The following RBFOX1 variants were observed in gnomAD, a reference collection of about 807,000 sequenced individuals.
RBFOX1 encodes RNA binding fox-1 homolog 1.
RBFOX1 carries 8 observed loss-of-function variants against 57.7 expected under a neutral mutation model. The ratio of observed to expected loss-of-function variants is 0.14; its 90% CI spans 0.08 to 0.25. The LOEUF (loss-of-function observed/expected upper bound fraction) is 0.25. RBFOX1 is among the 10% of genes least tolerant of loss of function. The probability of loss-of-function intolerance (pLI) is 1.00; values close to 1 mark genes in which losing one functional copy is unlikely to be tolerated. For synonymous variants in RBFOX1, 326 were observed against 222.4 expected (o/e 1.47, Z -4.15); for missense variants, 611 against 548.5 (o/e 1.11, Z -1.14).
chr16:7,410,839 G>A (rs879910504), intron 4 of RBFOX1, among the ~76,000 whole-genome samples: 8,253 of 68,958 alleles, frequency 0.12, 577 homozygotes, highest in African/African-American at 0.21. Context: ...ACGTGTGTGT[G>A]TGTGTGTGTG....
chr16:6,448,579 C>T (rs1343557849), intron 2 of RBFOX1, among the ~76,000 whole-genome samples: 2 of 152,054 alleles, frequency 1.3e-5, no homozygotes, highest in Non-Finnish European at 2.9e-5. Flanking sequence ...CCCATAGCAC[C>T]CTGTGCAGTT....
chr16:6,542,546 G>C (rs906366791), intron 2 of RBFOX1, among the ~76,000 whole-genome samples: 2 of 133,958 alleles, frequency 1.5e-5, no homozygotes, highest in South Asian at 2.4e-4. Context: ...CTGGAGTGCA[G>C]TGGCCTTTTC....
chr16:6,910,410 C>T (rs1338445818), intron 3 of RBFOX1, among the ~76,000 whole-genome samples: 1 of 152,198 alleles, frequency 6.6e-6, no homozygotes, highest in East Asian at 1.9e-4. Flanking sequence ...AACTTTATCT[C>T]AGGAATTCTG....
chr16:6,872,737 T>C (rs982385515), intron 3 of RBFOX1, among the ~76,000 whole-genome samples: 1 of 152,196 alleles, frequency 6.6e-6, no homozygotes, highest in Non-Finnish European at 1.5e-5. Flanking sequence ...CTGTGTTTTT[T>C]GTCCTTCAGG....
At chr16:6,651,431 C>G (rs769000378) in intron 2 of RBFOX1, among the ~76,000 whole-genome samples, 16 of 152,198 alleles carry the variant, frequency 1.1e-4, no homozygotes, top group African/African-American at 3.6e-4. Context: ...CATGTCACAC[C>G]TGGACTCCTG....
At chr16:7,268,383 G>C (rs766581496) in intron 4 of RBFOX1, among the ~76,000 whole-genome samples, 1 of 152,154 alleles carries the variant, frequency 6.6e-6, no homozygotes, top group Non-Finnish European at 1.5e-5. Flanking sequence ...TGGAGGACTC[G>C]CTCTCACTCT....
At chr16:5,704,156 G>C (rs774073649) in intron 3 of RBFOX1, among the ~76,000 whole-genome samples, 2 of 152,160 alleles carry the variant, frequency 1.3e-5, no homozygotes, top group Non-Finnish European at 2.9e-5. Flanking sequence ...AAGAAGAGGG[G>C]AGGTCCCAAA....
At position 6,269,780 on chromosome 16, in the gene RBFOX1, T is replaced by C. The variant is rs569242777; in HGVS notation, c.-126-47215T>C. On this transcript the variant is annotated intron_variant, in intron 1 of 15. Coordinates refer to ENST00000550418, the MANE Select transcript of RBFOX1 (RefSeq NM_018723.4). ...AAGGAAAGGATAAAAGCAGGAATTTTAGAACATCAGCAAGGAGGAAAACAA... is the reference window on the plus strand; with the variant it reads ...AAGGAAAGGATAAAAGCAGGAATTTCAGAACATCAGCAAGGAGGAAAACAA... 5.9e-5 allele frequency among the ~76,000 whole-genome samples: 9 copies of C among 152,312 alleles called. No homozygotes were observed. In the East Asian group the frequency reaches 1.5e-3, roughly 26 times the overall value.
Position 5,500,998 on chromosome 16 carries a change from C to T in RBFOX1, c.258+33744C>T, listed in dbSNP as rs529422012. ...TAATTTTGAAGTTTTACAGCAATGACTTTCAACATTCCATGAGCCTGAAAA... is the reference window on the plus strand; with the variant it reads ...TAATTTTGAAGTTTTACAGCAATGATTTTCAACATTCCATGAGCCTGAAAA... On this transcript the variant is annotated intron_variant, in intron 2 of 2. Transcript: ENST00000585867. 2.6e-4 allele frequency among the ~76,000 whole-genome samples: 40 copies of T among 152,234 alleles called. 1 individual carries two copies. In the South Asian group the frequency reaches 5.2e-3, roughly 20 times the overall value.
At chr16:6,552,134 G>A (rs375232511) in intron 2 of RBFOX1, among the ~76,000 whole-genome samples, 2 of 152,140 alleles carry the variant, frequency 1.3e-5, no homozygotes, top group East Asian at 3.9e-4. Context: ...GTTCTTGTGT[G>A]TGGCTAAGCT....
intron 2 of RBFOX1, among the ~76,000 whole-genome samples, chr16:6,424,069 C>G (rs1473520900): frequency 6.6e-6 from 1 of 152,140 alleles, no homozygotes; most frequent in East Asian, 1.9e-4. Context: ...GAAAACCCAT[C>G]TCTACTAAAA....
chr16:7,376,841 C>T (rs1016028509), intron 4 of RBFOX1, among the ~76,000 whole-genome samples: 12 of 152,124 alleles, frequency 7.9e-5, no homozygotes, highest in African/African-American at 1.9e-4. Context: ...TGTTAAAAGT[C>T]GTGGTCATCT....
intron 3 of RBFOX1, among the ~76,000 whole-genome samples, chr16:5,814,657 G>T (rs899647919): frequency 6.6e-6 from 1 of 152,188 alleles, no homozygotes; most frequent in Admixed American, 6.5e-5. Context: ...GGCCGGGCGC[G>T]GTGGCTCACG....
chr16:7,135,709 T>A (rs1274584944), intron 4 of RBFOX1, among the ~76,000 whole-genome samples: 1 of 152,262 alleles, frequency 6.6e-6, no homozygotes, highest in Non-Finnish European at 1.5e-5. Context: ...CTAAGTGAAT[T>A]GAAATTTTAC....
intron 3 of RBFOX1, among the ~76,000 whole-genome samples, chr16:7,043,163 G>A (rs948617376): frequency 1.3e-5 from 2 of 152,028 alleles, no homozygotes; most frequent in Non-Finnish European, 2.9e-5. Flanking sequence ...TTAGATCAAG[G>A]GTCTCAGCTC....
intron 5 of RBFOX1, among the ~76,000 whole-genome samples, chr16:7,530,896 C>A (rs2079893799): frequency 6.6e-6 from 1 of 152,116 alleles, no homozygotes; most frequent in Non-Finnish European, 1.5e-5. Flanking sequence ...AAGTCATCAC[C>A]ACCCAGAAAA....
intron 4 of RBFOX1, among the ~76,000 whole-genome samples, chr16:7,219,607 C>G (rs142633707): frequency 6.6e-6 from 1 of 152,114 alleles, no homozygotes; most frequent in Non-Finnish European, 1.5e-5. Flanking sequence ...AAAGAACAAG[C>G]GTGGCGGATT....
chr16:7,561,894 A>C (rs2090457391), intron 5 of RBFOX1, among the ~76,000 whole-genome samples: 1 of 152,174 alleles, frequency 6.6e-6, no homozygotes, highest in African/African-American at 2.4e-5. Flanking sequence ...GAAATCTTTG[A>C]GCTAAGTGGA....
chr16:6,670,109 C>T (rs1298671042), intron 3 of RBFOX1, among the ~76,000 whole-genome samples: 1 of 152,116 alleles, frequency 6.6e-6, no homozygotes, highest in Non-Finnish European at 1.5e-5. Context: ...GCAACCTCAC[C>T]CTCCTGGGCA....
Sources: gnomAD v4.1 joint callset for allele counts (sites outside exome capture counted in the v4.1 genomes callset) on GRCh38, gnomAD v4.1.1 for gene constraint, MANE v1.5 for transcripts, NCBI Gene and HGNC (gene_info 2026-07-23, HGNC 2026-07-21) for gene names.